MAST4: variants seen among roughly 807,000 people sequenced by gnomAD.
The protein encoded by MAST4 is microtubule-associated serine/threonine-protein kinase 4.
In MAST4, 89 loss-of-function variants were observed where a neutral mutation model predicts 162.7. The ratio of observed to expected loss-of-function variants is 0.55; its 90% CI spans 0.46 to 0.65. The LOEUF (loss-of-function observed/expected upper bound fraction) is 0.65. MAST4 is among the 30% of genes least tolerant of loss of function. The pLI is 0.00. For missense variants in MAST4, 3,153 were observed against 3,374.0 expected (o/e 0.93, Z 1.62); for synonymous variants, 1,479 against 1,361.1 (o/e 1.09, Z -1.91).
intron 3 of MAST4, among the ~76,000 whole-genome samples, chr5:66,857,416 T>A (rs752417806): frequency 5.3e-5 from 8 of 152,244 alleles, no homozygotes; most frequent in Non-Finnish European, 1.2e-4. Flanking sequence ...TTGTAGGATC[T>A]ATGCCAAGAA....
At chr5:66,772,866 C>A (rs1754421282) in intron 2 of MAST4, among the ~76,000 whole-genome samples, 2 of 152,138 alleles carry the variant, frequency 1.3e-5, no homozygotes, top group South Asian at 4.1e-4. Context: ...ATTTTAGCTA[C>A]CATGGTGAGG....
intron 1 of MAST4, among the ~76,000 whole-genome samples, chr5:66,626,700 G>T (rs578246950): frequency 8.4e-4 from 128 of 152,302 alleles, no homozygotes; most frequent in African/African-American, 3.0e-3. Context: ...TCTCATTAGA[G>T]AGTTATATGT....
intron 1 of MAST4, among the ~76,000 whole-genome samples, chr5:66,688,505 A>G (rs931064397): frequency 2.0e-5 from 3 of 152,286 alleles, no homozygotes; most frequent in Middle Eastern, 3.4e-3. Context: ...AAGTTGAACT[A>G]GAGGGGGTGA....
chr5:67,067,697 G>T (rs1316718079), intron 5 of MAST4, among the ~76,000 whole-genome samples: 1 of 152,060 alleles, frequency 6.6e-6, no homozygotes, highest in Non-Finnish European at 1.5e-5. Context: ...CAGTTACTCT[G>T]GTTTCGAGCT....
intron 5 of MAST4, among the ~76,000 whole-genome samples, chr5:67,075,908 A>G (rs1761585554): frequency 6.6e-6 from 1 of 152,076 alleles, no homozygotes; most frequent in Non-Finnish European, 1.5e-5. Flanking sequence ...TCTTTATTAC[A>G]TGTCTTGGTA....
chr5:67,032,521 G>C (rs1755466241), intron 4 of MAST4, among the ~76,000 whole-genome samples: 1 of 152,116 alleles, frequency 6.6e-6, no homozygotes, highest in African/African-American at 2.4e-5. Context: ...GAGCTATAAG[G>C]TATCATGTTA....
chr5:66,964,846 C>T (rs1308165971), intron 4 of MAST4, among the ~76,000 whole-genome samples: 6 of 152,224 alleles, frequency 3.9e-5, no homozygotes, highest in African/African-American at 1.2e-4. Flanking sequence ...TCAAATTATC[C>T]GTTGATGCAA....
At chr5:67,062,942 T>G (rs973774565) in intron 5 of MAST4, among the ~76,000 whole-genome samples, 2 of 152,200 alleles carry the variant, frequency 1.3e-5, no homozygotes, top group Non-Finnish European at 2.9e-5. Context: ...GGCTAAACTT[T>G]ATCCAGGTGA....
chr5:66,798,965 C>T (rs974982512), intron 3 of MAST4, among the ~76,000 whole-genome samples: 1 of 151,974 alleles, frequency 6.6e-6, no homozygotes, highest in African/African-American at 2.4e-5. Flanking sequence ...TACTTTGTAC[C>T]CCCTTTTTAT....
intron 1 of MAST4, among the ~76,000 whole-genome samples, chr5:66,630,283 A>G (rs969574747): frequency 2.6e-5 from 4 of 152,250 alleles, no homozygotes; most frequent in Non-Finnish European, 5.9e-5. Context: ...GTTATAGACA[A>G]TTAGTAAAGT....
intron 4 of MAST4, among the ~76,000 whole-genome samples, chr5:66,977,813 T>C (rs994606100): frequency 2.6e-5 from 4 of 152,226 alleles, no homozygotes; most frequent in African/African-American, 9.6e-5. Context: ...TAAAATGTAG[T>C]TTATTGTTTT....
intron 6 of MAST4, among the ~76,000 whole-genome samples, chr5:67,094,725 A>G (rs536600508): frequency 6.6e-6 from 1 of 152,268 alleles, no homozygotes; most frequent in East Asian, 1.9e-4. Context: ...CTACTGCTGC[A>G]TTCACTCATC....
chr5:67,002,587 T>C (rs1257795064), intron 4 of MAST4, among the ~76,000 whole-genome samples: 1 of 152,228 alleles, frequency 6.6e-6, no homozygotes, highest in Non-Finnish European at 1.5e-5. Flanking sequence ...TCCAGTCTTA[T>C]GTCTGTCAGC....
At chr5:66,727,769 G>A (rs1369219656) in intron 1 of MAST4, among the ~76,000 whole-genome samples, 2 of 152,040 alleles carry the variant, frequency 1.3e-5, no homozygotes, top group Non-Finnish European at 2.9e-5. Flanking sequence ...ATACAGAGTT[G>A]GTAGAGTTTT....
intron 4 of MAST4, among the ~76,000 whole-genome samples, chr5:67,029,538 C>T (rs966476933): frequency 2.6e-4 from 39 of 152,198 alleles, no homozygotes; most frequent in African/African-American, 9.1e-4. Context: ...TGTATTTCAT[C>T]TCTAAGAAAA....
chr5:66,644,046 TA>T (rs11329809), intron 1 of MAST4, among the ~76,000 whole-genome samples: 15,029 of 151,572 alleles, frequency 0.099, 1,082 homozygotes, highest in East Asian at 0.43. Context: ...CTGTAAGCTT[TA>T]AAAAAAATCT....
At chr5:66,621,263 G>A (rs1411059149) in intron 1 of MAST4, among the ~76,000 whole-genome samples, 4 of 152,304 alleles carry the variant, frequency 2.6e-5, no homozygotes, top group East Asian at 1.9e-4. Flanking sequence ...AATGTCCAAG[G>A]CACTACTGTA....
chr5:67,143,131 C>T (rs2151038929), intron 21 of MAST4: 1 of 152,294 alleles, frequency 6.6e-6, no homozygotes, highest in Admixed American at 6.5e-5. Flanking sequence ...ATTGTAAAGT[C>T]TCATAACTGC....
intron 4 of MAST4, among the ~76,000 whole-genome samples, chr5:67,049,082 C>G (rs1214136654): frequency 9.0e-6 from 1 of 111,706 alleles, no homozygotes; most frequent in Non-Finnish European, 1.8e-5. Context: ...TATATATACA[C>G]TACCATACCA....
Sources: gnomAD v4.1 joint callset for allele counts (sites outside exome capture counted in the v4.1 genomes callset) on GRCh38, gnomAD v4.1.1 for gene constraint, MANE v1.5 for transcripts, NCBI Gene and HGNC (gene_info 2026-07-23, HGNC 2026-07-21) for gene names.